TFB1M: variants seen among roughly 807,000 people sequenced by gnomAD.
TFB1M encodes transcription factor B1, mitochondrial.
A neutral mutation model predicts 31.1 loss-of-function variants in TFB1M; 27 were observed. That is an observed-to-expected ratio of 0.87 (90% CI 0.64 to 1.20). The LOEUF is 1.20. TFB1M is among the 50% of genes most tolerant of loss of function. The pLI, the probability that TFB1M is intolerant of heterozygous loss-of-function variation, is 0.00. For synonymous variants in TFB1M, 166 were observed against 151.8 expected (o/e 1.09, Z -0.69); for missense variants, 394 against 418.7 (o/e 0.94, Z 0.51).
intron 5 of TFB1M, chr6:155,275,993 G>C (rs761670159): frequency 1.2e-6 from 2 of 1,614,180 alleles, no homozygotes; most frequent in South Asian, 2.2e-5. Context: ...TGTTCTGTCT[G>C]CTTTGGGGAT....
intron 5 of TFB1M, among the ~76,000 whole-genome samples, chr6:155,277,903 A>G (rs151180108): frequency 6.6e-6 from 1 of 152,304 alleles, no homozygotes; most frequent in Non-Finnish European, 1.5e-5. Context: ...GGGTTTACAT[A>G]GTCTATGTAG....
At chr6:155,275,506 G>A in intron 5 of TFB1M, 1 of 521,376 alleles carries the variant, frequency 1.9e-6, no homozygotes, top group Non-Finnish European at 3.4e-6. Context: ...ATCTGCTTGG[G>A]GGCTGGAGAA....
chr6:155,305,175 T>A (rs186752), intron 2 of TFB1M, among the ~76,000 whole-genome samples: 1 of 81,168 alleles, frequency 1.2e-5, no homozygotes, highest in Non-Finnish European at 2.1e-5. Flanking sequence ...TATATATTTA[T>A]ATATATATTA....
chr6:155,286,485 GTGTATATATATGTGTGTATATATA>G, intron 4 of TFB1M, among the ~76,000 whole-genome samples: 1 of 13,814 alleles, frequency 7.2e-5, no homozygotes, highest in Non-Finnish European at 1.4e-4. Context: ...ATATATGTGT[GTGTATATATATGTGTGTATATATA>G]TGTGTGTATA....
At chr6:155,254,159 T>A (rs1472716560), downstream of TFB1M, 1 of 1,319,504 alleles carries the variant, frequency 7.6e-7, no homozygotes, top group Non-Finnish European at 1.1e-6. Context: ...TTTGATGATA[T>A]CAGGGTCATA....
chr6:155,271,883 G>C (rs1451137236), intron 5 of TFB1M, among the ~76,000 whole-genome samples: 1 of 152,064 alleles, frequency 6.6e-6, no homozygotes, highest in Non-Finnish European at 1.5e-5. Flanking sequence ...TTAGCTTTCA[G>C]GTTTCAACAA....
Position 155,256,545 on chromosome 6 carries a change from T to C in TFB1M, c.*1291A>G, listed in dbSNP as rs1436136494. 1 of 1,614,102 alleles carries C rather than the reference T, an allele frequency of 6.2e-7. No individual in the cohort carries two copies. The highest frequency in any genetic ancestry group is 8.5e-7 in the Non-Finnish European group (1 of 1,180,046). On this transcript the variant is annotated 3_prime_UTR_variant, in exon 7 of 7. Transcript: ENST00000367166. ...CCAGCAACGAGTGGACCGGTGAGACTGGCAAGGGAACCTTGCTGGACTCTG... is the reference window on the plus strand; with the variant it reads ...CCAGCAACGAGTGGACCGGTGAGACCGGCAAGGGAACCTTGCTGGACTCTG...
At chr6:155,250,879 C>A in the TFB1M span, 10 of 1,597,450 alleles carry the variant, frequency 6.3e-6, no homozygotes, top group Non-Finnish European at 8.6e-6. Context: ...CTGGGATTTC[C>A]GTATCTTCCT....
the TFB1M span, among the ~76,000 whole-genome samples, chr6:155,231,062 A>C: frequency 6.6e-6 from 1 of 151,452 alleles, no homozygotes. Flanking sequence ...GGCTGGTCTC[A>C]GACTCCTGAC....
chr6:155,295,901 C>T (rs983097615), intron 4 of TFB1M, among the ~76,000 whole-genome samples: 5 of 152,134 alleles, frequency 3.3e-5, no homozygotes, highest in Non-Finnish European at 5.9e-5. Context: ...GCAAATACTA[C>T]ACTGTTTGAC....
chr6:155,299,807 T>C (rs557513431), intron 2 of TFB1M, among the ~76,000 whole-genome samples: 3 of 152,296 alleles, frequency 2.0e-5, no homozygotes, highest in Admixed American at 1.3e-4. Flanking sequence ...AACAAGATGA[T>C]CACAGAAGCC....
At chr6:155,274,527 T>C (rs1785080603) in intron 5 of TFB1M, among the ~76,000 whole-genome samples, 1 of 152,246 alleles carries the variant, frequency 6.6e-6, no homozygotes, top group Non-Finnish European at 1.5e-5. Context: ...TACTTCTGAA[T>C]TGTTCAGAAT....
chr6:155,279,893 A>G (rs1275601891), intron 5 of TFB1M, among the ~76,000 whole-genome samples: 1 of 152,168 alleles, frequency 6.6e-6, no homozygotes, highest in Non-Finnish European at 1.5e-5. Flanking sequence ...CACGTATTTT[A>G]CCTGATTTTT....
intron 1 of TFB1M, chr6:155,313,973 A>C (rs1778130791): frequency 3.2e-6 from 2 of 621,142 alleles, no homozygotes; most frequent in Non-Finnish European, 5.0e-6. Context: ...AGAATGATTG[A>C]TTTCACAGTG....
At chr6:155,305,721 TTATATATATATTAAATTATATATTTA>T (rs1777729525) in intron 2 of TFB1M, among the ~76,000 whole-genome samples, 62 of 23,830 alleles carry the variant, frequency 2.6e-3, no homozygotes, top group East Asian at 5.7e-3. Context: ...AATTATATAT[TTATATATATATTAAATTATATATTTA>T]TATATATAAA....
chr6:155,297,803 T>C (rs547794542), intron 3 of TFB1M, among the ~76,000 whole-genome samples: 1 of 152,312 alleles, frequency 6.6e-6, no homozygotes, highest in South Asian at 2.1e-4. Context: ...GTGGTTCCAG[T>C]GTGGCTGGGC....
At chr6:155,276,758 ATAT>A (rs1349632788) in intron 5 of TFB1M, among the ~76,000 whole-genome samples, 1 of 152,224 alleles carries the variant, frequency 6.6e-6, no homozygotes, top group Non-Finnish European at 1.5e-5. Flanking sequence ...TTAACCAAGA[ATAT>A]TATCCACTTT....
the TFB1M span, among the ~76,000 whole-genome samples, chr6:155,246,747 CCATTCCT>C: frequency 6.6e-6 from 1 of 152,212 alleles, no homozygotes; most frequent in Non-Finnish European, 1.5e-5. Context: ...ATGGCTTGCT[CCATTCCT>C]CCTTTGTCAT....
chr6:155,254,737 T>G, downstream of TFB1M: 1 of 793,824 alleles, frequency 1.3e-6, no homozygotes, highest in Non-Finnish European at 1.9e-6. Context: ...CCAGACGTTC[T>G]ACTGTAAAAT....
Sources: allele counts gnomAD v4.1 joint callset (sites outside exome capture counted in the v4.1 genomes callset), GRCh38; gene constraint gnomAD v4.1.1; transcripts MANE v1.5; gene names NCBI Gene and HGNC (gene_info 2026-07-23, HGNC 2026-07-21).